CDH13: variants seen among roughly 807,000 people sequenced by gnomAD.
The protein encoded by CDH13 is cadherin 13.
CDH13 carries 24 observed loss-of-function variants against 63.8 expected under a neutral mutation model. The observed-to-expected ratio is 0.38, with a 90% CI of 0.27 to 0.53. The LOEUF is 0.53. Ranked by LOEUF, CDH13 falls within the 20% of genes least tolerant of loss-of-function variation. CDH13 has a pLI of 0.85. For synonymous variants in CDH13, 503 were observed against 355.3 expected, an observed-to-expected ratio of 1.42 and a Z score of -4.67; for missense variants, 1,049 against 903.1, an observed-to-expected ratio of 1.16 and a Z score of -2.07.
At chr16:82,678,319 CTT>C (rs11369498) in intron 1 of CDH13, among the ~76,000 whole-genome samples, 7 of 144,800 alleles carry the variant, frequency 4.8e-5, no homozygotes, top group Admixed American at 1.4e-4. Flanking sequence ...ACAGAAAAAA[CTT>C]TTTTTTTTTT....
intron 2 of CDH13, among the ~76,000 whole-genome samples, chr16:83,007,824 CA>C (rs563773010): frequency 0.014 from 1,806 of 124,750 alleles, 23 homozygotes; most frequent in African/African-American, 0.038. Flanking sequence ...ACGACTCTGT[CA>C]AAAAAAAAAA....
intron 2 of CDH13, among the ~76,000 whole-genome samples, chr16:83,008,058 A>G (rs147321031): frequency 6.6e-6 from 1 of 152,296 alleles, no homozygotes; most frequent in Non-Finnish European, 1.5e-5. Flanking sequence ...GAAGGAAATC[A>G]ACCCATTCCT....
At chr16:83,074,749 A>C (rs2032698819) in intron 3 of CDH13, among the ~76,000 whole-genome samples, 1 of 152,172 alleles carries the variant, frequency 6.6e-6, no homozygotes, top group Admixed American at 6.5e-5. Flanking sequence ...CACTGGTGCT[A>C]TTACCAGCTC....
chr16:82,730,880 T>C (rs1473097090), intron 1 of CDH13, among the ~76,000 whole-genome samples: 1 of 152,328 alleles, frequency 6.6e-6, no homozygotes, highest in East Asian at 1.9e-4. Flanking sequence ...CAGCTATCAT[T>C]AAAAATTAAA....
intron 2 of CDH13, among the ~76,000 whole-genome samples, chr16:82,866,322 C>G (rs556494239): frequency 4.7e-4 from 72 of 151,584 alleles, no homozygotes; most frequent in Non-Finnish European, 8.4e-4. Context: ...AGCAGCACCC[C>G]ACTCTACTGG....
At chr16:82,868,264 T>C (rs1413956058) in intron 2 of CDH13, among the ~76,000 whole-genome samples, 1 of 152,198 alleles carries the variant, frequency 6.6e-6, no homozygotes, top group African/African-American at 2.4e-5. Context: ...CTATTTACAT[T>C]AATAAGAGTT....
chr16:83,779,685 G>T (rs964187641), intron 11 of CDH13, among the ~76,000 whole-genome samples: 1 of 151,808 alleles, frequency 6.6e-6, no homozygotes, highest in African/African-American at 2.4e-5. Flanking sequence ...TATCCTCTTA[G>T]ATGTAAATGC....
intron 6 of CDH13, among the ~76,000 whole-genome samples, chr16:83,441,647 C>T (rs370813287): frequency 1.2e-4 from 18 of 152,276 alleles, no homozygotes; most frequent in Non-Finnish European, 2.4e-4. Flanking sequence ...TTTCCTGATA[C>T]GGTTTATGAC....
intron 6 of CDH13, among the ~76,000 whole-genome samples, chr16:83,402,434 G>C (rs972726718): frequency 6.6e-6 from 1 of 152,150 alleles, no homozygotes; most frequent in African/African-American, 2.4e-5. Context: ...AAATCCACCA[G>C]GCTCTGAGCC....
intron 1 of CDH13, among the ~76,000 whole-genome samples, chr16:82,800,236 T>C (rs988901449): frequency 5.9e-5 from 9 of 152,180 alleles, no homozygotes; most frequent in African/African-American, 2.2e-4. Context: ...AAAAAATAAT[T>C]CAAAAATGAA....
chr16:82,818,143 G>C (rs2037817179), intron 1 of CDH13, among the ~76,000 whole-genome samples: 1 of 141,842 alleles, frequency 7.1e-6, no homozygotes, highest in Non-Finnish European at 1.5e-5. Flanking sequence ...TGTGTGTTTT[G>C]GGAAGACTAA....
chr16:83,054,364 A>G (rs1597233677), intron 3 of CDH13, among the ~76,000 whole-genome samples: 2 of 152,246 alleles, frequency 1.3e-5, no homozygotes, highest in Admixed American at 1.3e-4. Context: ...CAGCATCACT[A>G]ATCTTGAACT....
At chr16:82,686,780 T>C (rs1390957918) in intron 1 of CDH13, among the ~76,000 whole-genome samples, 1 of 152,024 alleles carries the variant, frequency 6.6e-6, no homozygotes, top group Non-Finnish European at 1.5e-5. Context: ...TAAATGAGAG[T>C]TGATGTTGAG....
chr16:83,528,349 CA>C (rs1214069175), intron 7 of CDH13, among the ~76,000 whole-genome samples: 1 of 152,100 alleles, frequency 6.6e-6, no homozygotes, highest in Non-Finnish European at 1.5e-5. Flanking sequence ...ATTAAAAATG[CA>C]AACGTGAAAT....
At chr16:82,980,258 C>A (rs746689097) in intron 2 of CDH13, among the ~76,000 whole-genome samples, 1 of 152,156 alleles carries the variant, frequency 6.6e-6, no homozygotes, top group African/African-American at 2.4e-5. Flanking sequence ...GGATAAACAC[C>A]TGATTCCTTT....
At chr16:83,286,770 G>GTA (rs3052594) in intron 5 of CDH13, among the ~76,000 whole-genome samples, 71,905 of 141,506 alleles carry the variant, frequency 0.51, 18,645 homozygotes, top group East Asian at 0.68. Context: ...AAAAAAAAAT[G>GTA]TATATATATA....
At chr16:83,340,621 T>A (rs2090700484) in intron 5 of CDH13, among the ~76,000 whole-genome samples, 1 of 152,170 alleles carries the variant, frequency 6.6e-6, no homozygotes, top group South Asian at 2.1e-4. Flanking sequence ...AAAATGGGTT[T>A]CCTCTGTAGG....
chr16:83,466,667 T>C (rs1044469768), intron 6 of CDH13, among the ~76,000 whole-genome samples: 1 of 152,220 alleles, frequency 6.6e-6, no homozygotes, highest in African/African-American at 2.4e-5. Context: ...ATGTTTATCA[T>C]AGACAAGGAA....
chr16:82,638,199 A>G (rs1379097819), intron 1 of CDH13, among the ~76,000 whole-genome samples: 2 of 152,176 alleles, frequency 1.3e-5, no homozygotes, highest in Non-Finnish European at 2.9e-5. Context: ...CCAGAGGTGA[A>G]CACGACAGTC....
Sources: gnomAD v4.1 joint callset for allele counts (sites outside exome capture counted in the v4.1 genomes callset) on GRCh38, gnomAD v4.1.1 for gene constraint, MANE v1.5 for transcripts, NCBI Gene and HGNC (gene_info 2026-07-23, HGNC 2026-07-21) for gene names.